The following GET1 variants were observed in gnomAD, a reference collection of about 807,000 sequenced individuals.
GET1 encodes guided entry of tail-anchored proteins factor 1.
Under a neutral mutation model 22.6 loss-of-function variants are expected in GET1, and 20 were observed. The observed-to-expected ratio is 0.89, with a 90% CI of 0.62 to 1.29. The LOEUF (loss-of-function observed/expected upper bound fraction) is 1.29, where lower values mean the gene tolerates loss of function less well. GET1 is among the 50% of genes most tolerant of loss of function. The pLI is 0.00. For synonymous variants in GET1, 92 were observed against 83.8 expected (o/e 1.10, Z -0.53); for missense variants, 209 against 219.9 (o/e 0.95, Z 0.31).
At chr21:39,417,451 T>G (rs901561587) in intron 1 of GET1, among the ~76,000 whole-genome samples, 2 of 152,234 alleles carry the variant, frequency 1.3e-5, no homozygotes, top group African/African-American at 4.8e-5. Context: ...TTCTACTCTA[T>G]TCTCTCTTTT....
chr21:39,394,124 G>A (rs1005851801), intron 4 of GET1, among the ~76,000 whole-genome samples: 1 of 151,818 alleles, frequency 6.6e-6, no homozygotes, highest in Non-Finnish European at 1.5e-5. Context: ...GAGCTCAGGA[G>A]TTTGAGACCA....
chr21:39,381,554 C>T (rs559878408), intron 1 of GET1, among the ~76,000 whole-genome samples: 101 of 152,316 alleles, frequency 6.6e-4, no homozygotes, highest in Middle Eastern at 3.4e-3. Flanking sequence ...CCTTCAGAAT[C>T]TTTCCTGATG....
chr21:39,408,132 G>A (rs528979569), downstream of GET1, among the ~76,000 whole-genome samples: 22 of 152,310 alleles, frequency 1.4e-4, no homozygotes, highest in African/African-American at 4.8e-4. Flanking sequence ...GCCTTGCGGG[G>A]CTGCAGCCAG....
At chr21:39,396,307 G>A (rs994134053) in intron 4 of GET1, among the ~76,000 whole-genome samples, 1 of 152,120 alleles carries the variant, frequency 6.6e-6, no homozygotes, top group Non-Finnish European at 1.5e-5. Context: ...TTGGGAGGTC[G>A]GGGCGGGCAG....
downstream of GET1, chr21:39,406,662 C>G (rs1569057489): frequency 1.4e-6 from 2 of 1,404,668 alleles, no homozygotes; most frequent in Admixed American, 2.2e-5. Context: ...GAATGGATCT[C>G]TATTTCAAGA....
At chr21:39,418,148 A>G (rs1311307072) in intron 1 of GET1, among the ~76,000 whole-genome samples, 5 of 152,214 alleles carry the variant, frequency 3.3e-5, no homozygotes, top group African/African-American at 7.2e-5. Flanking sequence ...ACCTGCCTCT[A>G]TGATCTAATT....
Position 39,425,964 on chromosome 21 carries a change from A to G in GET1, c.*24-2268A>G, listed in dbSNP as rs148282280. 1.1e-3 allele frequency: 163 copies of G among 152,636 alleles called. 1 individual carries two copies. The highest frequency in any genetic ancestry group is 2.1e-3 in the Non-Finnish European group (145 of 68,226). The allele number at this position is 152,636 out of a possible 1,614,324, so 9.5% of individuals were successfully genotyped here. A position where few individuals can be genotyped will look rare whatever the true frequency, so the allele number is the denominator to read the frequency against. ...AGGCCCCAGGAGTCAAGAAGTGCAC[A>G]GAGGGCATGGATGCGTTGGAAAGGG... On this transcript the variant is annotated intron_variant, in intron 1 of 1. Transcript: ENST00000478273.
chr21:39,410,801 T>C (rs79340961), downstream of GET1: 4 of 470,254 alleles, frequency 8.5e-6, no homozygotes, highest in African/African-American at 4.0e-5. Flanking sequence ...AATTATATCA[T>C]TTAAACAACC....
At chr21:39,391,560 C>A in intron 2 of GET1, 5 of 492,786 alleles carry the variant, frequency 1.0e-5, no homozygotes, top group African/African-American at 2.0e-5. Flanking sequence ...ATTCAAATCT[C>A]AATCTGAGTC....
rs142554637 is a variant in GET1, at chr21:39,405,953, A to G, written c.389A>G (p.Glu130Gly). 5.0e-6 allele frequency: 8 copies of G among 1,613,804 alleles called. No homozygotes were observed. The African/African-American group carries it at 1.1e-4, about 22-fold the overall frequency. The change falls in exon 5 of 5, where the codon GAG becomes GGG. Residue 130 changes from glutamate to glycine, a missense_variant. Transcript: ENST00000415847. ...ATAGAATTTACCACAGTTACTTTAG[A>G]GTCTCCGAAAGCATGGCTGGTGGAG...
downstream of GET1, among the ~76,000 whole-genome samples, chr21:39,400,824 T>A (rs2038821059): frequency 6.6e-6 from 1 of 152,120 alleles, no homozygotes; most frequent in Admixed American, 6.5e-5. Context: ...ATGAATATTG[T>A]GTAGTTTTAG....
intron 1 of GET1, among the ~76,000 whole-genome samples, chr21:39,384,357 A>G (rs549516311): frequency 6.6e-6 from 1 of 151,956 alleles, no homozygotes; most frequent in African/African-American, 2.4e-5. Context: ...CCTGGGTTCA[A>G]GCGATTCTCC....
chr21:39,422,161 G>C (rs1033618041), intron 1 of GET1: 1 of 152,180 alleles, frequency 6.6e-6, no homozygotes, highest in South Asian at 2.1e-4. Flanking sequence ...TTAAAACGTG[G>C]AGGAAACGAA....
chr21:39,416,519 C>T (rs981068711), intron 1 of GET1, among the ~76,000 whole-genome samples: 1 of 152,154 alleles, frequency 6.6e-6, no homozygotes, highest in Non-Finnish European at 1.5e-5. Flanking sequence ...TGGTTTGTTT[C>T]AGTGGGATAT....
rs1304518689 is a variant in GET1, at chr21:39,380,346, G to T, written c.-39G>T. ...CCGCTGTTGTTGTGGTCCCCATGGA[G>T]CTGCCGTAGCGGACCCAGCACAGCC... On this transcript the variant is annotated 5_prime_UTR_variant, in exon 1 of 5. Transcript: ENST00000649170. The T allele has an allele frequency of 1.3e-6, 2 of 1,566,052 alleles. No individual in the cohort carries two copies. Among genetic ancestry groups the T allele is most frequent in the Non-Finnish European group, 8.7e-7 (1 of 1,154,570 alleles).
At chr21:39,420,957 G>A (rs1185906789) in intron 1 of GET1, 2 of 767,716 alleles carry the variant, frequency 2.6e-6, no homozygotes, top group Non-Finnish European at 4.2e-6. Context: ...TACAATTTTA[G>A]TGAATGACTT....
chr21:39,414,754 G>C (rs1387309502), intron 1 of GET1, among the ~76,000 whole-genome samples: 75 of 149,050 alleles, frequency 5.0e-4, no homozygotes, highest in African/African-American at 1.8e-3. Flanking sequence ...GTGTGTGTGT[G>C]TGTGTGTGTG....
At chr21:39,387,725 C>G (rs1322978767) in intron 1 of GET1, 4 of 972,044 alleles carry the variant, frequency 4.1e-6, no homozygotes, top group Non-Finnish European at 4.9e-6. Flanking sequence ...CACGCAGGCG[C>G]TGGTAGGCGG....
chr21:39,420,967 T>G lies in GET1; in HGVS notation c.*24-7265T>G, dbSNP rs1462064664. On this transcript the variant is annotated intron_variant, in intron 1 of 1. Transcript: ENST00000478273. ...TTCAATACAATTTTAGTGAATGACTTATACAGGGGACATATATTGGAATGA... is the reference window on the plus strand; with the variant it reads ...TTCAATACAATTTTAGTGAATGACTGATACAGGGGACATATATTGGAATGA... 4 of 647,568 alleles carry G rather than the reference T, an allele frequency of 6.2e-6. No homozygotes were observed. In the South Asian group the frequency reaches 1.0e-4, roughly 17 times the overall value. The allele number at this position is 647,568 out of a possible 1,614,324, so 40.1% of individuals were successfully genotyped here.
Sources: gnomAD v4.1 joint callset for allele counts (sites outside exome capture counted in the v4.1 genomes callset) on GRCh38, gnomAD v4.1.1 for gene constraint, MANE v1.5 for transcripts, NCBI Gene and HGNC (gene_info 2026-07-23, HGNC 2026-07-21) for gene names.